Variants in ASXL3 observed in about 807,000 individuals in gnomAD.
ASXL3 encodes the protein putative Polycomb group protein ASXL3.
ASXL3 carries 34 observed loss-of-function variants against 170.6 expected under a neutral mutation model. That is an observed-to-expected ratio of 0.20 (90% CI 0.15 to 0.27). ASXL3 has a LOEUF of 0.27. ASXL3 is among the 10% of genes least tolerant of loss of function. ASXL3 has a pLI of 1.00. For synonymous variants in ASXL3, 1,002 were observed against 989.1 expected, an observed-to-expected ratio of 1.01 and a Z score of -0.24; for missense variants, 2,592 against 2,695.3, an observed-to-expected ratio of 0.96 and a Z score of 0.85.
At chr18:33,720,098 A>T (rs1275229785) in intron 8 of ASXL3, among the ~76,000 whole-genome samples, 1 of 151,962 alleles carries the variant, frequency 6.6e-6, no homozygotes, top group Admixed American at 6.6e-5. Flanking sequence ...TACAAGGGGG[A>T]ATTAAAGATA....
chr18:33,728,230 G>A (rs557949066), intron 8 of ASXL3, among the ~76,000 whole-genome samples: 33 of 152,142 alleles, frequency 2.2e-4, no homozygotes, highest in African/African-American at 6.7e-4. Context: ...GTGTTACACC[G>A]ACTATAAAAG....
chr18:33,703,656 C>T (rs1178785128), intron 8 of ASXL3, among the ~76,000 whole-genome samples: 1 of 151,976 alleles, frequency 6.6e-6, no homozygotes. Context: ...TAAATCACTC[C>T]CCCCCAACCC....
At chr18:33,699,809 G>A (rs1053798290) in intron 8 of ASXL3, among the ~76,000 whole-genome samples, 1 of 151,958 alleles carries the variant, frequency 6.6e-6, no homozygotes, top group Admixed American at 6.6e-5. Context: ...TCATAATATA[G>A]TTGTGTTTTG....
At chr18:33,619,068 A>G (rs2145148711) in intron 2 of ASXL3, among the ~76,000 whole-genome samples, 2 of 152,264 alleles carry the variant, frequency 1.3e-5, no homozygotes, top group Middle Eastern at 6.8e-3. Context: ...AATTACCTTG[A>G]AACAAAAGAT....
intron 2 of ASXL3, among the ~76,000 whole-genome samples, chr18:33,637,966 A>G (rs1041923497): frequency 7.2e-5 from 11 of 152,152 alleles, no homozygotes; most frequent in African/African-American, 2.7e-4. Flanking sequence ...CTGTTGGAGT[A>G]CAAATTTATT....
chr18:33,726,194 C>T (rs2067347959), intron 8 of ASXL3, among the ~76,000 whole-genome samples: 1 of 152,126 alleles, frequency 6.6e-6, no homozygotes, highest in African/African-American at 2.4e-5. Flanking sequence ...TTGATATCAG[C>T]CTTGCCTGCC....
At position 33,691,256 on chromosome 18, in the gene ASXL3, C is replaced by T. The variant is rs558719524; in HGVS notation, c.879+7688C>T. Among the ~76,000 whole-genome samples, 41 of 152,280 alleles carry T rather than the reference C, an allele frequency of 2.7e-4. No individual in the cohort carries two copies. In the South Asian group the frequency reaches 5.8e-3, roughly 22 times the overall value. On this transcript the variant is annotated intron_variant, in intron 8 of 11. Coordinates refer to ENST00000269197, the MANE Select transcript of ASXL3 (RefSeq NM_030632.3). ...CTCTCCATACAGTCCCCTCTCTGCC[C>T]GTGGTCTGATAAGCCCTGCGTCCCT...
At chr18:33,645,470 G>T (rs1353467799) in intron 3 of ASXL3, among the ~76,000 whole-genome samples, 1 of 151,724 alleles carries the variant, frequency 6.6e-6, no homozygotes, top group Non-Finnish European at 1.5e-5. Flanking sequence ...GTGATCTCAA[G>T]GAAGTTTTAC....
At chr18:33,713,105 T>G (rs1272269820) in intron 8 of ASXL3, among the ~76,000 whole-genome samples, 2 of 151,980 alleles carry the variant, frequency 1.3e-5, no homozygotes, top group East Asian at 3.9e-4. Flanking sequence ...CAAGGGAGTC[T>G]GGGAAAGATC....
At chr18:33,596,804 G>C (rs747791702) in intron 1 of ASXL3, among the ~76,000 whole-genome samples, 2 of 151,984 alleles carry the variant, frequency 1.3e-5, no homozygotes, top group African/African-American at 4.8e-5. Context: ...TTCTCTCTCT[G>C]TTTCATTCAT....
intron 2 of ASXL3, among the ~76,000 whole-genome samples, chr18:33,636,906 C>T (rs1215236730): frequency 6.6e-6 from 1 of 152,042 alleles, no homozygotes; most frequent in Non-Finnish European, 1.5e-5. Flanking sequence ...AGCATCATGT[C>T]GGTGCTCAAA....
At chr18:33,698,896 G>C (rs551666908) in intron 8 of ASXL3, among the ~76,000 whole-genome samples, 2 of 152,212 alleles carry the variant, frequency 1.3e-5, no homozygotes, top group South Asian at 4.1e-4. Context: ...GAGGGATCAG[G>C]GAAAAGGGGA....
intron 2 of ASXL3, among the ~76,000 whole-genome samples, chr18:33,629,595 A>G (rs1050740449): frequency 5.3e-5 from 8 of 151,968 alleles, no homozygotes; most frequent in African/African-American, 1.9e-4. Flanking sequence ...TGGCTCTCCA[A>G]TTCTCTTTTC....
intron 1 of ASXL3, among the ~76,000 whole-genome samples, chr18:33,600,945 T>C (rs1193933049): frequency 6.6e-6 from 1 of 152,166 alleles, no homozygotes; most frequent in Non-Finnish European, 1.5e-5. Flanking sequence ...GTTGATATTC[T>C]ATATTTTTGA....
rs138980959 is a variant in ASXL3 at position 33,640,066 on chromosome 18, A to G, written c.138-4828A>G. Among the ~76,000 whole-genome samples, 478 of 152,136 alleles carry G rather than the reference A, an allele frequency of 3.1e-3. 2 individuals are homozygous for G. Among genetic ancestry groups the G allele is most frequent in the Non-Finnish European group, 5.0e-3 (337 of 67,962 alleles). ...TGACCCGTCTCTTATTTGATGGATT[A>G]TTCCCATTTATGTTTATATTTTCTA... is the stretch of plus-strand genomic sequence containing the variant. On this transcript the variant is annotated intron_variant, in intron 2 of 11. Transcript: ENST00000269197.
At chr18:33,666,904 A>G (rs559019525) in intron 5 of ASXL3, among the ~76,000 whole-genome samples, 1 of 152,308 alleles carries the variant, frequency 6.6e-6, no homozygotes, top group Admixed American at 6.5e-5. Context: ...GTACAGTGGG[A>G]CAAGGATGCT....
chr18:33,722,961 G>A (rs2067287710), intron 8 of ASXL3, among the ~76,000 whole-genome samples: 1 of 152,140 alleles, frequency 6.6e-6, no homozygotes, highest in Non-Finnish European at 1.5e-5. Flanking sequence ...AAATGGAACA[G>A]TAAAGCCTGA....
At chr18:33,632,343 T>C (rs1301263510) in intron 2 of ASXL3, among the ~76,000 whole-genome samples, 1 of 152,192 alleles carries the variant, frequency 6.6e-6, no homozygotes, top group Admixed American at 6.5e-5. Context: ...CTCTTATTAC[T>C]CTACAACCAT....
chr18:33,634,047 T>A (rs2065728767), intron 2 of ASXL3, among the ~76,000 whole-genome samples: 1 of 152,118 alleles, frequency 6.6e-6, no homozygotes, highest in Non-Finnish European at 1.5e-5. Context: ...TGGTTGACAT[T>A]TAATAGTTAT....
Sources: allele counts gnomAD v4.1 joint callset (sites outside exome capture counted in the v4.1 genomes callset), GRCh38; gene constraint gnomAD v4.1.1; transcripts MANE v1.5; gene names NCBI Gene and HGNC (gene_info 2026-07-23, HGNC 2026-07-21).